TGM2: variants seen among roughly 807,000 people sequenced by gnomAD.
TGM2 encodes the protein protein-glutamine gamma-glutamyltransferase 2.
Under a neutral mutation model 75.6 loss-of-function variants are expected in TGM2, and 53 were observed. The observed-to-expected ratio is 0.70, with a 90% CI of 0.56 to 0.88. The LOEUF is 0.88. Ranked by LOEUF, TGM2 falls within the 40% of genes least tolerant of loss-of-function variation. The pLI is 0.00. For missense variants in TGM2, 842 were observed against 928.5 expected (o/e 0.91, Z 1.21); for synonymous variants, 374 against 381.1 (o/e 0.98, Z 0.22).
chr20:38,145,619 A>C (rs1248484592), intron 6 of TGM2: 1 of 152,044 alleles, frequency 6.6e-6, no homozygotes, highest in Non-Finnish European at 1.5e-5. Flanking sequence ...TCCCAGTATA[A>C]AGGTACTACC....
chr20:38,147,219 C>T (rs182103990), intron 5 of TGM2, among the ~76,000 whole-genome samples: 52 of 152,218 alleles, frequency 3.4e-4, no homozygotes, highest in Middle Eastern at 3.4e-3. Context: ...CAAAGACCCG[C>T]TTGGGCCCCC....
rs1568688029 is a variant in TGM2 at position 38,141,368 on chromosome 20, A to G, written c.1013T>C (p.Val338Ala). 9 of 1,584,074 alleles carry G rather than the reference A, an allele frequency of 5.7e-6. No homozygotes were observed. The highest frequency in any genetic ancestry group is 7.7e-6 in the Non-Finnish European group (9 of 1,164,758). The change falls in exon 8 of 13, where the codon GTG (valine) becomes GCG (alanine). Residue 338 changes from valine (V) to alanine (A), a missense_variant. Val to Ala is a moderately conservative substitution (Grantham distance 64, BLOSUM62 0). Coordinates refer to ENST00000361475, the MANE Select transcript of TGM2 (RefSeq NM_004613.4). ...GTCCGGCCTGGTCATCCACGACTCC[A>G]CCCAGCAGTGGAAGTTCCTGAGGGG... ...SEMIWNFHCW[V>A]ESWMTRPDLQ...
intron 4 of TGM2, among the ~76,000 whole-genome samples, chr20:38,149,692 A>AAAAAAAAAAAAAAAAAAAAAAAAAAAC (rs1555809515): frequency 2.7e-5 from 4 of 147,242 alleles, no homozygotes; most frequent in South Asian, 2.2e-4. Context: ...AAAAAAAAAA[A>AAAAAAAAAAAAAAAAAAAAAAAAAAAC]AAAAAAAAAC....
At chr20:38,130,741 G>A (rs1031546606) in intron 12 of TGM2, among the ~76,000 whole-genome samples, 9 of 152,220 alleles carry the variant, frequency 5.9e-5, no homozygotes, top group South Asian at 2.1e-4. Flanking sequence ...GTGCAGCTAC[G>A]TATCTATGTG....
chr20:38,132,868 A>C (rs1296727720), intron 10 of TGM2: 1 of 462,522 alleles, frequency 2.2e-6, no homozygotes, highest in South Asian at 1.5e-5. Context: ...AGTGTCCCGG[A>C]AGAGCCTGGT....
intron 3 of TGM2, 142 bp from the exon 4 acceptor site, chr20:38,151,199 A>G (rs188902190): frequency 1.4e-6 from 1 of 700,734 alleles, no homozygotes; most frequent in African/African-American, 1.8e-5. Flanking sequence ...AAAAGTAACC[A>G]TTAATGAATA....
intron 5 of TGM2, 49 bp from the exon 6 acceptor site, chr20:38,146,943 G>A (rs1417703787): frequency 6.3e-7 from 1 of 1,587,420 alleles, no homozygotes; most frequent in African/African-American, 1.3e-5. Flanking sequence ...TGGGGTGTCG[G>A]CTGTGCCGCC....
intron 3 of TGM2, 47 bp from the exon 4 acceptor site, chr20:38,151,104 C>T: frequency 6.8e-7 from 1 of 1,466,582 alleles, no homozygotes; most frequent in Non-Finnish European, 9.6e-7. Context: ...TGCGGAGGCC[C>T]AGGGTCCCTG....
At chr20:38,145,612 C>T (rs1185532971) in intron 6 of TGM2, 2 of 152,066 alleles carry the variant, frequency 1.3e-5, no homozygotes, top group South Asian at 4.1e-4. Flanking sequence ...ACAACCATCC[C>T]AGTATAAAGG....
chr20:38,162,617 A>C (rs1362429156), intron 1 of TGM2, among the ~76,000 whole-genome samples: 13 of 152,280 alleles, frequency 8.5e-5, no homozygotes, highest in Non-Finnish European at 1.3e-4. Context: ...AAAGTATTTT[A>C]AAACATTTAT....
intron 10 of TGM2, chr20:38,133,042 A>G: frequency 2.8e-6 from 1 of 357,182 alleles, no homozygotes; most frequent in South Asian, 2.1e-5. Flanking sequence ...CCCAACTTAC[A>G]GATGAGAAAA....
Position 38,144,346 on chromosome 20 carries a change from C to T in TGM2, c.860-2147G>A, listed in dbSNP as rs139260913. ...GGATTTGTGGTGATTCAGAGAGAGG[C>T]CGCGGGTGTGGGCACAGCCTTGTCT... On this transcript the variant is annotated intron_variant, in intron 6 of 12. Coordinates refer to ENST00000361475, the MANE Select transcript of TGM2 (RefSeq NM_004613.4). 9.6e-3 allele frequency among the ~76,000 whole-genome samples: 1,468 copies of T among 152,272 alleles called. 24 individuals carry two copies. Among genetic ancestry groups the T allele is most frequent in the African/African-American group, 0.033 (1,374 of 41,522 alleles).
chr20:38,156,568 C>T (rs1288663612), intron 2 of TGM2, among the ~76,000 whole-genome samples: 2 of 152,242 alleles, frequency 1.3e-5, no homozygotes, highest in Non-Finnish European at 2.9e-5. Context: ...AGCCCAGACG[C>T]TGAGCAGGAA....
chr20:38,159,327 G>C (rs2075226203), intron 2 of TGM2, among the ~76,000 whole-genome samples: 1 of 152,124 alleles, frequency 6.6e-6, no homozygotes, highest in Non-Finnish European at 1.5e-5. Flanking sequence ...TGGACGCATA[G>C]AGGGAAACAA....
rs2074790312 is a variant in TGM2, at chr20:38,128,562, A to C, written c.*1657T>G. The C allele has an allele frequency of 6.6e-6, 1 of 152,254 alleles. No individual in the cohort carries two copies. Among genetic ancestry groups the C allele is most frequent in the South Asian group, 2.1e-4 (1 of 4,828 alleles). 9.4% of individuals were successfully genotyped at this position (152,254 alleles called of 1,614,324 possible). On this transcript the variant is annotated 3_prime_UTR_variant, in exon 13 of 13. Coordinates refer to ENST00000361475, the MANE Select transcript of TGM2 (RefSeq NM_004613.4). The stretch of plus-strand genomic sequence containing the variant: ...GAACCCAAGGCTTTTATAAAACCGT[A>C]GAGAAATAGAGCTCTATGTATAGAG...
chr20:38,133,065 C>A (rs999461575), intron 10 of TGM2: 12 of 355,990 alleles, frequency 3.4e-5, no homozygotes, highest in Non-Finnish European at 6.7e-5. Context: ...GAGTCTCCAG[C>A]AGGTGAAATA....
rs1242838198 is a variant in TGM2 at position 38,128,190 on chromosome 20, G to A, written c.*2029C>T. On this transcript the variant is annotated 3_prime_UTR_variant, in exon 13 of 13. Transcript: ENST00000361475. ...GAAAAGGAGGGGCACTCCAGGCTCA[G>A]GGAACTACATACACAAAAGCCAAGA... The A allele has an allele frequency of 6.6e-6, 1 of 152,236 alleles. No individual in the cohort carries two copies. Among genetic ancestry groups the A allele is most frequent in the Non-Finnish European group, 1.5e-5 (1 of 68,060 alleles). The allele number at this position is 152,236 out of a possible 1,614,324, so 9.4% of individuals were successfully genotyped here. A position where few individuals can be genotyped will look rare whatever the true frequency, so the allele number is the denominator to read the frequency against.
At position 38,148,021 on chromosome 20, in the gene TGM2, G is replaced by A. The variant is rs770029921; in HGVS notation, c.621C>T (p.Ala207=). Reference sequence around the variant, plus strand: ...TGCTGCGGCGGGAGCAGTCACGGCCGGCGTTCTTCAGGAACTTGGGGTTGA... The same window carrying A: ...TGCTGCGGCGGGAGCAGTCACGGCCAGCGTTCTTCAGGAACTTGGGGTTGA... ...LDVNPKFLKN[A]GRDCSRRSSP... is the part of the protein sequence containing the mutation. The change falls in exon 5 of 13, where the codon GCC becomes GCT. Residue 207 remains alanine, a synonymous_variant. Coordinates refer to ENST00000361475, the MANE Select transcript of TGM2 (RefSeq NM_004613.4). 37 of 1,613,118 alleles carry A rather than the reference G, an allele frequency of 2.3e-5. No individual in the cohort carries two copies. Among genetic ancestry groups the A allele is most frequent in the East Asian group, 1.6e-4 (7 of 44,852 alleles).
chr20:38,151,015 T>TA lies in TGM2; in HGVS notation c.475dup (p.Tyr159LeufsTer28). 2.5e-6 allele frequency: 4 copies of TA among 1,614,120 alleles called. No individual in the cohort carries two copies. The highest frequency in any genetic ancestry group is 3.4e-6 in the Non-Finnish European group (4 of 1,179,996). On this transcript the variant is annotated frameshift_variant, in exon 4 of 13. Coordinates refer to ENST00000361475, the MANE Select transcript of TGM2 (RefSeq NM_004613.4). LOFTEE classifies it high-confidence loss of function. ...GATAAAGCCCTGCTGGGTGAGGACA[T>TA]ACTCCTGCCGCTCCTCTTCCGAGTC...
Sources: gnomAD v4.1 joint callset for allele counts (sites outside exome capture counted in the v4.1 genomes callset) on GRCh38, gnomAD v4.1.1 for gene constraint, MANE v1.5 for transcripts, NCBI Gene and HGNC (gene_info 2026-07-23, HGNC 2026-07-21) for gene names.